ADGRA2: variants seen among roughly 807,000 people sequenced by gnomAD.
The protein encoded by ADGRA2 is G-protein coupled receptor 124.
ADGRA2 carries 61 observed loss-of-function variants against 98.7 expected under a neutral mutation model. That is an observed-to-expected ratio of 0.62 (90% CI 0.50 to 0.76). ADGRA2 has a LOEUF of 0.76. Among genes scored for constraint, ADGRA2 ranks in the 30% least tolerant of loss-of-function variants. ADGRA2 has a pLI of 0.00. For missense variants in ADGRA2, 1,712 were observed against 1,860.0 expected, an observed-to-expected ratio of 0.92 and a Z score of 1.46; for synonymous variants, 858 against 831.5, an observed-to-expected ratio of 1.03 and a Z score of -0.55.
At chr8:37,829,422 C>T in intron 4 of ADGRA2, 66 bp from the exon 5 acceptor site, 1 of 1,532,404 alleles carries the variant, frequency 6.5e-7, no homozygotes, top group Non-Finnish European at 9.0e-7. Flanking sequence ...CACATCCCAC[C>T]TGCTCTCCTC....
chr8:37,833,100 C>T lies in ADGRA2; in HGVS notation c.1188C>T (p.Gly396=), dbSNP rs536020132. The T allele has an allele frequency of 6.2e-7, 1 of 1,611,542 alleles. No homozygotes were observed. Among genetic ancestry groups the T allele is most frequent in the East Asian group, 2.2e-5 (1 of 44,872 alleles). Residue 396 remains glycine (G), a synonymous_variant, in exon 9 of 19, where the codon GGC becomes GGT. Coordinates refer to ENST00000412232, the MANE Select transcript of ADGRA2 (RefSeq NM_032777.10). ...TSVPLGGGAP[G]TRASRRCDRA... is the part of the protein sequence containing the mutation. ...TGCCCCTGGGCGGGGGTGCCCCGGG[C>T]ACCCGAGCCTCCCGCCGGTGTGACC...
Position 37,830,613 on chromosome 8 carries a change from C to T in ADGRA2, c.719-97C>T. On this transcript the variant is annotated intron_variant, in intron 6 of 18. Transcript: ENST00000412232. This position sits in a 1 kb window ranked among gnomAD's most constrained non-coding sequence, Gnocchi z 4.8. ...TGGAGCAGGCTGCAGGCCGAGGGCC[C>T]CGCCCCGCCCCACCCCATCCTGCTG... The T allele has an allele frequency of 3.8e-6, 2 of 523,888 alleles. No homozygotes were observed. The highest frequency in any genetic ancestry group is 3.5e-6 in the Non-Finnish European group (1 of 282,600). 32.5% of individuals were successfully genotyped at this position (523,888 alleles called of 1,614,324 possible). A position where few individuals can be genotyped will look rare whatever the true frequency, so the allele number is the denominator to read the frequency against.
At chr8:37,832,446 C>T (rs1805486012) in intron 8 of ADGRA2, among the ~76,000 whole-genome samples, 1 of 152,098 alleles carries the variant, frequency 6.6e-6, no homozygotes, top group Non-Finnish European at 1.5e-5. Flanking sequence ...AAGCAATCCT[C>T]CCACCTCCGC....
chr8:37,811,136 AAAAAG>A (rs1456522257), intron 1 of ADGRA2, among the ~76,000 whole-genome samples: 8 of 147,942 alleles, frequency 5.4e-5, no homozygotes, highest in Non-Finnish European at 1.5e-5. Context: ...AAAAAAAAAA[AAAAAG>A]AACTTTTATA....
intron 1 of ADGRA2, among the ~76,000 whole-genome samples, chr8:37,812,162 T>A (rs1010615750): frequency 4.6e-4 from 67 of 144,340 alleles, no homozygotes; most frequent in African/African-American, 1.9e-3. Flanking sequence ...GGTGTTGTTG[T>A]TGTTGTTGTT....
At chr8:37,827,372 G>A (rs1347879053) in intron 2 of ADGRA2, among the ~76,000 whole-genome samples, 2 of 152,264 alleles carry the variant, frequency 1.3e-5, no homozygotes, top group African/African-American at 4.8e-5. Context: ...CCTGGCAGGT[G>A]TGGGGTTAGG....
At chr8:37,819,403 C>T (rs924339271) in intron 2 of ADGRA2, among the ~76,000 whole-genome samples, 1 of 152,152 alleles carries the variant, frequency 6.6e-6, no homozygotes, top group East Asian at 1.9e-4. Flanking sequence ...GATGGAGTCT[C>T]GCTCTGTCAC....
rs1401903888 is a variant in ADGRA2 at position 37,841,400 on chromosome 8, C to T, written c.3062C>T (p.Ala1021Val). ...SLYSPGVQLG[A>V]LVTTHFLYLA... ...TATTCTCCGGGAGTCCAGCTAGGGG[C>T]GCTGGTGACCACGCACTTCCTGTAC... The change falls in exon 19 of 19, where the codon GCG becomes GTG. Residue 1021 changes from alanine to valine, a missense_variant. Coordinates refer to ENST00000412232, the MANE Select transcript of ADGRA2 (RefSeq NM_032777.10). The surrounding 1 kb of genome is among the most constrained non-coding windows in gnomAD (Gnocchi z 5.0). 1.2e-6 allele frequency: 2 copies of T among 1,612,356 alleles called. No individual in the cohort carries two copies. Among genetic ancestry groups the T allele is most frequent in the Non-Finnish European group, 1.7e-6 (2 of 1,179,586 alleles).
intron 2 of ADGRA2, among the ~76,000 whole-genome samples, chr8:37,817,687 A>G (rs1024049381): frequency 3.3e-5 from 5 of 151,862 alleles, no homozygotes; most frequent in South Asian, 2.1e-4. Flanking sequence ...AGCTTGGGCA[A>G]AAGAGTGAGA....
rs751228769 is a variant in ADGRA2, at chr8:37,844,471, T to C, written c.*2116T>C. The C allele has an allele frequency of 1.2e-6, 2 of 1,607,962 alleles. No homozygotes were observed. The highest frequency in any genetic ancestry group is 1.7e-5 in the Admixed American group (1 of 59,906). On this transcript the variant is annotated 3_prime_UTR_variant, in exon 19 of 19. Coordinates refer to ENST00000412232, the MANE Select transcript of ADGRA2 (RefSeq NM_032777.10). ...ATCAAGCTGTCAGAACAGGATGAAGTGCTCCCAGTGGATATCCATCAGGGA... is the reference window on the plus strand; with the variant it reads ...ATCAAGCTGTCAGAACAGGATGAAGCGCTCCCAGTGGATATCCATCAGGGA...
intron 1 of ADGRA2, among the ~76,000 whole-genome samples, chr8:37,805,988 G>A (rs891549730): frequency 3.7e-4 from 56 of 152,222 alleles, no homozygotes; most frequent in Non-Finnish European, 3.4e-4. Context: ...GCAACATAGT[G>A]AGACCTCCAT....
At chr8:37,807,497 T>C (rs1472918793) in intron 1 of ADGRA2, among the ~76,000 whole-genome samples, 5 of 152,206 alleles carry the variant, frequency 3.3e-5, no homozygotes, top group African/African-American at 4.8e-5. Flanking sequence ...TTAATTTCCG[T>C]CTTTGCAGCA....
chr8:37,823,282 C>G (rs1042320075), intron 2 of ADGRA2, among the ~76,000 whole-genome samples: 6 of 151,006 alleles, frequency 4.0e-5, no homozygotes, highest in Admixed American at 1.3e-4. Flanking sequence ...CTCACTGCAG[C>G]CTTGACTTCC....
chr8:37,818,372 T>C (rs1313366538), intron 2 of ADGRA2, among the ~76,000 whole-genome samples: 1 of 152,204 alleles, frequency 6.6e-6, no homozygotes, highest in African/African-American at 2.4e-5. Context: ...TTCAGTCTCA[T>C]GAGAGCACAT....
At chr8:37,839,123 A>T (rs761150858) in intron 15 of ADGRA2, 40 bp downstream of exon 15, 1 of 1,608,656 alleles carries the variant, frequency 6.2e-7, no homozygotes, top group Non-Finnish European at 8.5e-7. Flanking sequence ...GTGGGCAGGC[A>T]TGGAAGGGGC....
At chr8:37,833,537 C>T (rs988989326) in intron 9 of ADGRA2, 151 bp from the exon 10 acceptor site, 3 of 755,836 alleles carry the variant, frequency 4.0e-6, no homozygotes, top group Non-Finnish European at 6.5e-6. Flanking sequence ...GTCTCAGCCT[C>T]CTCTGCCCTC....
At chr8:37,812,808 T>A (rs1804876751) in intron 1 of ADGRA2, among the ~76,000 whole-genome samples, 1 of 151,856 alleles carries the variant, frequency 6.6e-6, no homozygotes, top group South Asian at 2.1e-4. Context: ...TAGCTGGGAC[T>A]ATAGGTACCA....
In ADGRA2 at chr8:37,841,400, C is replaced by G; in HGVS notation, c.3062C>G (p.Ala1021Gly). 1 of 1,612,358 alleles carries G rather than the reference C, an allele frequency of 6.2e-7. No homozygotes were observed. Among genetic ancestry groups the G allele is most frequent in the Non-Finnish European group, 8.5e-7 (1 of 1,179,586 alleles). Residue 1021 changes from alanine to glycine, a missense_variant, in exon 19 of 19, where the codon GCG (alanine) becomes GGG (glycine). Coordinates refer to ENST00000412232, the MANE Select transcript of ADGRA2 (RefSeq NM_032777.10). This position sits in a 1 kb window ranked among gnomAD's most constrained non-coding sequence, Gnocchi z 5.0. ...SLYSPGVQLGALVTTHFLYLA... is the reference protein window; with the variant it reads ...SLYSPGVQLGGLVTTHFLYLA... ...TATTCTCCGGGAGTCCAGCTAGGGG[C>G]GCTGGTGACCACGCACTTCCTGTAC...
Position 37,834,981 on chromosome 8 carries a change from A to AT in ADGRA2, c.1609-192dup. 6.6e-6 allele frequency among the ~76,000 whole-genome samples: 1 copy of AT among 151,842 alleles called. No individual in the cohort carries two copies. Among genetic ancestry groups the AT allele is most frequent in the East Asian group, 1.9e-4 (1 of 5,154 alleles). On this transcript the variant is annotated intron_variant, in intron 11 of 18. Transcript: ENST00000412232. The surrounding 1 kb of genome is among the most constrained non-coding windows in gnomAD (Gnocchi z 4.2). Reference sequence around the variant, plus strand: ...TGTAGGCTGCAGTGAGCTGGTTGTGATGCTGCACTCCAGCCTGGGTGACAT... The same window carrying AT: ...TGTAGGCTGCAGTGAGCTGGTTGTGATTGCTGCACTCCAGCCTGGGTGACAT...
Sources: allele counts gnomAD v4.1 joint callset (sites outside exome capture counted in the v4.1 genomes callset), GRCh38; gene constraint gnomAD v4.1.1; non-coding constraint Gnocchi (gnomAD v3.1); transcripts MANE v1.5; gene names NCBI Gene and HGNC (gene_info 2026-07-23, HGNC 2026-07-21).